The following CCR6 variants were observed in gnomAD, a reference collection of about 807,000 sequenced individuals.
CCR6 encodes the protein C-C chemokine receptor type 6.
In CCR6, 2 loss-of-function variants were observed where a neutral mutation model predicts 3.0. The observed-to-expected ratio is 0.66, with a 90% CI of 0.27 to 2.07. The LOEUF (loss-of-function observed/expected upper bound fraction) is 2.07, where lower values mean the gene tolerates loss of function less well. Ranked by LOEUF, CCR6 falls within the 30% of genes most tolerant of loss-of-function variation. The pLI is 0.14. For missense variants in CCR6, 322 were observed against 462.8 expected (o/e 0.70, Z 2.79); for synonymous variants, 193 against 184.3 (o/e 1.05, Z -0.38).
chr6:167,132,563 C>T (rs185106089), intron 1 of CCR6, among the ~76,000 whole-genome samples: 10 of 152,006 alleles, frequency 6.6e-5, no homozygotes, highest in East Asian at 3.9e-4. Context: ...GTGTTTTGGA[C>T]GGAGTCTCTC....
Position 167,130,565 on chromosome 6 carries a change from C to T in CCR6, c.-97-5473C>T, listed in dbSNP as rs1005590565. 2.0e-4 allele frequency among the ~76,000 whole-genome samples: 31 copies of T among 151,740 alleles called. 1 individual carries two copies. The highest frequency in any genetic ancestry group is 7.3e-4 in the African/African-American group (30 of 41,010). ...CTTAAAACAATTCACACAGTTTTTCCTGTGAAAACAGTGGCTTGGGGAAGG... is the reference window on the plus strand; with the variant it reads ...CTTAAAACAATTCACACAGTTTTTCTTGTGAAAACAGTGGCTTGGGGAAGG... On this transcript the variant is annotated intron_variant, in intron 1 of 2. Coordinates refer to ENST00000341935, the MANE Select transcript of CCR6 (RefSeq NM_031409.4).
In CCR6 at chr6:167,136,416, G is replaced by A. The variant is rs751210852; in HGVS notation, c.186G>A (p.Leu62=). The A allele has an allele frequency of 7.4e-6, 12 of 1,613,644 alleles. No individual in the cohort carries two copies. In the Admixed American group the frequency reaches 8.3e-5, roughly 11 times the overall value. Residue 62 remains leucine (L), a synonymous_variant, in exon 3 of 3, where the codon CTG becomes CTA. Coordinates refer to ENST00000341935, the MANE Select transcript of CCR6 (RefSeq NM_031409.4). This position sits in a 1 kb window ranked among gnomAD's most constrained non-coding sequence, Gnocchi z 4.6. The part of the protein sequence containing the change: ...AYSLICVFGL[L]GNILVVITFA... ...CCTTGATCTGTGTCTTTGGCCTCCT[G>A]GGGAATATTCTGGTGGTGATCACCT...
At chr6:167,125,675 C>T (rs1485438884) in intron 1 of CCR6, among the ~76,000 whole-genome samples, 1 of 152,178 alleles carries the variant, frequency 6.6e-6, no homozygotes, top group African/African-American at 2.4e-5. Context: ...ATAGTGAGGG[C>T]AGCCCCTCCC....
chr6:167,117,464 T>C (rs1781516063), intron 1 of CCR6, among the ~76,000 whole-genome samples: 1 of 137,998 alleles, frequency 7.2e-6, no homozygotes. Context: ...TCGCCCAGGC[T>C]GGAGCGCAGT....
At chr6:167,113,466 AC>A (rs1482879090) in intron 1 of CCR6, among the ~76,000 whole-genome samples, 3 of 152,238 alleles carry the variant, frequency 2.0e-5, no homozygotes, top group African/African-American at 7.2e-5. Context: ...AGTAGACCTC[AC>A]ATGGGCCCAT....
intron 1 of CCR6, among the ~76,000 whole-genome samples, chr6:167,124,950 G>A (rs1019036813): frequency 2.6e-5 from 4 of 151,748 alleles, no homozygotes; most frequent in South Asian, 2.1e-4. Context: ...GCACACACAT[G>A]CAAATACACA....
At chr6:167,131,111 T>G (rs1781757027) in intron 1 of CCR6, 2 of 152,186 alleles carry the variant, frequency 1.3e-5, no homozygotes, top group Admixed American at 1.3e-4. Flanking sequence ...AGTGCTGGCC[T>G]TCTGTTCACC....
chr6:167,114,406 C>T (rs1195527137), intron 1 of CCR6, among the ~76,000 whole-genome samples: 3 of 152,146 alleles, frequency 2.0e-5, no homozygotes, highest in Admixed American at 1.3e-4. Context: ...ATCACAGGAC[C>T]GCAGGACCCA....
chr6:167,131,014 T>A (rs1781754699), intron 1 of CCR6, among the ~76,000 whole-genome samples: 1 of 121,148 alleles, frequency 8.3e-6, no homozygotes, highest in Non-Finnish European at 1.7e-5. Flanking sequence ...GACCCCTCCT[T>A]CTGGGACCCC....
intron 1 of CCR6, among the ~76,000 whole-genome samples, chr6:167,125,612 G>T (rs373463647): frequency 6.6e-6 from 1 of 152,212 alleles, no homozygotes; most frequent in African/African-American, 2.4e-5. Context: ...GTTGAAGGCC[G>T]GGGGGAGATG....
chr6:167,130,786 C>T (rs983367169), intron 1 of CCR6, among the ~76,000 whole-genome samples: 1 of 151,878 alleles, frequency 6.6e-6, no homozygotes, highest in Non-Finnish European at 1.5e-5. Context: ...TTGACTTATT[C>T]TGACATGAGA....
intron 1 of CCR6, among the ~76,000 whole-genome samples, chr6:167,130,978 C>CCCCTCCCTCTGGGACCT (rs1562559619): frequency 7.7e-6 from 1 of 129,092 alleles, no homozygotes; most frequent in African/African-American, 3.1e-5. Context: ...CTGGGACCAC[C>CCCCTCCCTCTGGGACCT]CTCCCTCTGG....
chr6:167,125,488 C>T (rs1781657082), intron 1 of CCR6, among the ~76,000 whole-genome samples: 1 of 152,202 alleles, frequency 6.6e-6, no homozygotes, highest in Non-Finnish European at 1.5e-5. Context: ...GTATTGGTCT[C>T]CCTGAGAGTG....
At chr6:167,132,686 G>A (rs1410108680) in intron 1 of CCR6, among the ~76,000 whole-genome samples, 1 of 152,162 alleles carries the variant, frequency 6.6e-6, no homozygotes, top group Admixed American at 6.5e-5. Flanking sequence ...GATTACAGGA[G>A]CACGCCATCA....
Position 167,137,704 on chromosome 6 carries a change from CT to C in CCR6, c.*353del, listed in dbSNP as rs1306762229. On this transcript the variant is annotated 3_prime_UTR_variant, in exon 3 of 3. Coordinates refer to ENST00000341935, the MANE Select transcript of CCR6 (RefSeq NM_031409.4). The surrounding 1 kb of genome is among the most constrained non-coding windows in gnomAD (Gnocchi z 4.6). The stretch of plus-strand genomic sequence containing the variant: ...ATGAAGCGGTCACAGATCACAGTGT[CT>C]TTTGGTTACAGCACAAAATGATGGC... 1.1e-5 allele frequency: 2 copies of C among 179,894 alleles called. No homozygotes were observed. Among genetic ancestry groups the C allele is most frequent in the African/African-American group, 4.7e-5 (2 of 42,206 alleles). 11.1% of individuals were successfully genotyped at this position (179,894 alleles called of 1,614,324 possible).
chr6:167,117,944 G>GTTTTTTTTTTTTTTTTTTTTT (rs34732907), upstream of CCR6, among the ~76,000 whole-genome samples: 1 of 139,352 alleles, frequency 7.2e-6, no homozygotes. Context: ...GCACTTTTCT[G>GTTTTTTTTTTTTTTTTTTTTT]TTTTTTTTTT....
At chr6:167,121,883 C>T (rs1467162788), upstream of CCR6, among the ~76,000 whole-genome samples, 1 of 152,156 alleles carries the variant, frequency 6.6e-6, no homozygotes, top group Admixed American at 6.5e-5. Flanking sequence ...AGAAAAGGCC[C>T]TTCTTTTATC....
chr6:167,135,952 G>C, intron 1 of CCR6, 86 bp from the exon 2 acceptor site: 1 of 659,132 alleles, frequency 1.5e-6, no homozygotes, highest in Non-Finnish European at 2.7e-6. Context: ...CTGTTCACAC[G>C]AGATGGAATG....
upstream of CCR6, among the ~76,000 whole-genome samples, chr6:167,121,267 C>G (rs757071983): frequency 6.6e-6 from 1 of 152,256 alleles, no homozygotes; most frequent in Non-Finnish European, 1.5e-5. Context: ...GGCCACACAA[C>G]GCGGTTTTGT....
Sources: gnomAD v4.1 joint callset for allele counts (sites outside exome capture counted in the v4.1 genomes callset) on GRCh38, gnomAD v4.1.1 for gene constraint, Gnocchi (gnomAD v3.1) non-coding constraint, MANE v1.5 for transcripts, NCBI Gene and HGNC (gene_info 2026-07-23, HGNC 2026-07-21) for gene names.